The following MBP variants were observed in gnomAD, a reference collection of about 807,000 sequenced individuals.
MBP encodes the protein Golli-MBP.
A neutral mutation model predicts 35.8 loss-of-function variants in MBP; 16 were observed. The ratio of observed to expected loss-of-function variants is 0.45; its 90% CI spans 0.30 to 0.68. MBP has a LOEUF of 0.68. Ranked by LOEUF, MBP falls within the 30% of genes least tolerant of loss-of-function variation. The pLI, the probability that MBP is intolerant of heterozygous loss-of-function variation, is 0.08. For missense variants in MBP, 380 were observed against 404.7 expected (o/e 0.94, Z 0.52); for synonymous variants, 143 against 159.6 (o/e 0.90, Z 0.78).
Position 76,991,665 on chromosome 18 carries a change from T to C in MBP, c.577-1605A>G, listed in dbSNP as rs184383475. Among the ~76,000 whole-genome samples, 596 of 152,276 alleles carry C rather than the reference T, an allele frequency of 3.9e-3. 6 individuals are homozygous for C. Among genetic ancestry groups the C allele is most frequent in the Middle Eastern group, 0.017 (5 of 294 alleles). On this transcript the variant is annotated intron_variant, in intron 4 of 8. Transcript: ENST00000355994. Reference sequence around the variant, plus strand: ...AGATGCTACTTGTTCAGAAATAGCCTGCATGTAAAGAGCCCACACCTCAGG... The same window carrying C: ...AGATGCTACTTGTTCAGAAATAGCCCGCATGTAAAGAGCCCACACCTCAGG...
intron 3 of MBP, among the ~76,000 whole-genome samples, chr18:77,018,158 CATCT>C (rs1241806880): frequency 4.6e-5 from 7 of 152,002 alleles, no homozygotes; most frequent in South Asian, 4.1e-4. Context: ...CCCATCCATC[CATCT>C]ATCCATCCAT....
At chr18:77,021,267 A>G (rs1971975146) in intron 3 of MBP, among the ~76,000 whole-genome samples, 1 of 152,206 alleles carries the variant, frequency 6.6e-6, no homozygotes, top group Non-Finnish European at 1.5e-5. Flanking sequence ...GCTCTGGTGC[A>G]CACACACCCA....
chr18:77,032,818 CT>C (rs1972591523), intron 3 of MBP, among the ~76,000 whole-genome samples: 1 of 152,200 alleles, frequency 6.6e-6, no homozygotes, highest in Non-Finnish European at 1.5e-5. Context: ...CTAGGAATTG[CT>C]TCTCAGGGGG....
At chr18:77,058,960 T>C (rs1042243383) in intron 3 of MBP, among the ~76,000 whole-genome samples, 7 of 152,164 alleles carry the variant, frequency 4.6e-5, no homozygotes, top group African/African-American at 1.7e-4. Flanking sequence ...CATCCAGCCC[T>C]AGCCCACCAA....
At chr18:77,121,937 G>A (rs1411855805) in intron 1 of MBP, among the ~76,000 whole-genome samples, 1 of 152,188 alleles carries the variant, frequency 6.6e-6, no homozygotes, top group Non-Finnish European at 1.5e-5. Flanking sequence ...AAATATGTGA[G>A]AGTCTTTGTT....
intron 3 of MBP, 197 bp downstream of exon 3, chr18:77,066,101 G>T (rs769251857): frequency 1.8e-4 from 93 of 522,926 alleles, no homozygotes; most frequent in African/African-American, 1.6e-3. Context: ...GGGCTCAAGC[G>T]ATCCTCTTGC....
intron 8 of MBP, chr18:76,984,329 C>G (rs1568262994): frequency 5.7e-6 from 1 of 176,860 alleles, no homozygotes; most frequent in African/African-American, 2.4e-5. Context: ...GTTCCAGGTC[C>G]TCATGAGCCG....
intron 3 of MBP, among the ~76,000 whole-genome samples, chr18:77,045,842 A>T (rs1201080590): frequency 6.6e-6 from 1 of 152,222 alleles, no homozygotes. Context: ...CACGCAACTG[A>T]CATCCTGGAA....
chr18:76,995,248 A>G (rs751143784), intron 4 of MBP, among the ~76,000 whole-genome samples: 19 of 152,222 alleles, frequency 1.2e-4, no homozygotes, highest in Non-Finnish European at 2.5e-4. Flanking sequence ...ACATAGTAAA[A>G]CTGTTGATTC....
rs192039834 is a variant in MBP, at chr18:77,004,199, C to T, written c.576+12633G>A. 4.6e-5 allele frequency: 7 copies of T among 152,108 alleles called. No individual in the cohort carries two copies. The East Asian group carries it at 1.2e-3, about 25-fold the overall frequency. 9.4% of individuals were successfully genotyped at this position (152,108 alleles called of 1,614,324 possible). A position where few individuals can be genotyped will look rare whatever the true frequency, so the allele number is the denominator to read the frequency against. Reference sequence around the variant, plus strand: ...TCACAGAACACTGTGGTTCTCTTTTCAATACTAGTTAAATACTAGTTACAA... The same window carrying T: ...TCACAGAACACTGTGGTTCTCTTTTTAATACTAGTTAAATACTAGTTACAA... On this transcript the variant is annotated intron_variant, in intron 4 of 8. Transcript: ENST00000355994.
At chr18:77,062,664 G>T (rs1974028169) in intron 3 of MBP, among the ~76,000 whole-genome samples, 1 of 152,182 alleles carries the variant, frequency 6.6e-6, no homozygotes, top group Non-Finnish European at 1.5e-5. Flanking sequence ...ACTGGCTTTG[G>T]CCTTCACAGA....
chr18:76,981,644 A>G (rs1378930935), intron 8 of MBP: 4 of 152,202 alleles, frequency 2.6e-5, no homozygotes, highest in Admixed American at 2.6e-4. Flanking sequence ...GGAACCATCT[A>G]GTGAGATTTC....
intron 3 of MBP, among the ~76,000 whole-genome samples, chr18:77,040,338 G>A (rs1176241978): frequency 6.6e-6 from 1 of 152,162 alleles, no homozygotes; most frequent in Non-Finnish European, 1.5e-5. Context: ...TCAATATCGT[G>A]AAAATGGCCA....
intron 4 of MBP, among the ~76,000 whole-genome samples, chr18:77,011,621 G>C (rs1971357052): frequency 6.6e-6 from 1 of 152,220 alleles, no homozygotes; most frequent in Non-Finnish European, 1.5e-5. Context: ...GGAAGAGGGA[G>C]GACAAATGCA....
intron 3 of MBP, among the ~76,000 whole-genome samples, chr18:77,029,372 C>T (rs61476093): frequency 0.64 from 82,408 of 128,754 alleles, 25,109 homozygotes; most frequent in African/African-American, 0.74. Flanking sequence ...TACAGTCCAG[C>T]TTCGGCTCGG....
chr18:76,999,688 A>C (rs1970527812), intron 4 of MBP, among the ~76,000 whole-genome samples: 1 of 152,110 alleles, frequency 6.6e-6, no homozygotes, highest in African/African-American at 2.4e-5. Context: ...GCCTCAAGCA[A>C]TCCACCCACC....
chr18:77,070,064 T>C (rs1974373929), intron 2 of MBP, among the ~76,000 whole-genome samples: 2 of 152,154 alleles, frequency 1.3e-5, no homozygotes, highest in Non-Finnish European at 2.9e-5. Flanking sequence ...AATATTCCCC[T>C]ATGATGAACA....
Position 76,987,404 on chromosome 18 carries a change from A to G in MBP, c.750+1091T>C, listed in dbSNP as rs562337169. 1.0e-5 allele frequency: 10 copies of G among 985,458 alleles called. No individual in the cohort carries two copies. The African/African-American group carries it at 1.6e-4, about 15-fold the overall frequency. 61.0% of individuals were successfully genotyped at this position (985,458 alleles called of 1,614,324 possible). ...AGCAAGTCAAATATGCATTAATGGA[A>G]AACGTTTCGGTAAATATCTTAGTTC... On this transcript the variant is annotated intron_variant, in intron 7 of 8. Transcript: ENST00000355994.
At chr18:77,013,373 T>G (rs1971455525) in intron 4 of MBP, 1 of 985,344 alleles carries the variant, frequency 1.0e-6, no homozygotes, top group Admixed American at 6.1e-5. Flanking sequence ...GTATCCTTCA[T>G]GTGTCTCCAA....
Sources: allele counts gnomAD v4.1 joint callset (sites outside exome capture counted in the v4.1 genomes callset), GRCh38; gene constraint gnomAD v4.1.1; transcripts MANE v1.5; gene names NCBI Gene and HGNC (gene_info 2026-07-23, HGNC 2026-07-21).